Variants in CDH18 observed in about 807,000 individuals in gnomAD.
CDH18 encodes the protein cadherin-18.
CDH18 carries 31 observed loss-of-function variants against 67.9 expected under a neutral mutation model. That is an observed-to-expected ratio of 0.46 (90% CI 0.34 to 0.62). CDH18 has a LOEUF of 0.62. CDH18 is among the 20% of genes least tolerant of loss of function. The pLI, the probability that CDH18 is intolerant of heterozygous loss-of-function variation, is 0.01. For synonymous variants in CDH18, 362 were observed against 347.2 expected (o/e 1.04, Z -0.48); for missense variants, 890 against 975.5 (o/e 0.91, Z 1.17).
At chr5:19,951,712 C>A (rs1323826036) in intron 2 of CDH18, among the ~76,000 whole-genome samples, 1 of 152,120 alleles carries the variant, frequency 6.6e-6, no homozygotes, top group Non-Finnish European at 1.5e-5. Context: ...TAAGAGTACA[C>A]ATTTGCATTA....
intron 1 of CDH18, among the ~76,000 whole-genome samples, chr5:20,441,245 A>T (rs1024595862): frequency 3.9e-5 from 6 of 152,024 alleles, no homozygotes; most frequent in African/African-American, 1.5e-4. Context: ...ACAGTCATTT[A>T]TGTGGAAAAC....
intron 6 of CDH18, among the ~76,000 whole-genome samples, chr5:19,598,019 T>G (rs1337730275): frequency 6.6e-6 from 1 of 152,200 alleles, no homozygotes; most frequent in Admixed American, 6.5e-5. Flanking sequence ...ATTTTTCTAA[T>G]TTAGAAATAG....
chr5:20,003,566 C>T (rs1260206627), intron 2 of CDH18, among the ~76,000 whole-genome samples: 8 of 152,088 alleles, frequency 5.3e-5, no homozygotes, highest in Non-Finnish European at 1.5e-5. Flanking sequence ...TTCTCCTCTA[C>T]TAACAAATGA....
chr5:19,748,005 C>CGG (rs534226207), intron 3 of CDH18, among the ~76,000 whole-genome samples: 1 of 146,044 alleles, frequency 6.8e-6, no homozygotes, highest in Admixed American at 7.0e-5. Context: ...CCCAGCTACT[C>CGG]GGGGGGCTGA....
intron 8 of CDH18, among the ~76,000 whole-genome samples, chr5:19,554,213 T>A (rs889797870): frequency 1.3e-5 from 2 of 152,204 alleles, no homozygotes; most frequent in East Asian, 3.8e-4. Context: ...TGAAGCAAAA[T>A]TAAGCTAAAC....
intron 1 of CDH18, among the ~76,000 whole-genome samples, chr5:20,422,260 T>C (rs1278104109): frequency 6.6e-6 from 1 of 151,120 alleles, no homozygotes; most frequent in Non-Finnish European, 1.5e-5. Flanking sequence ...GGTTATCATG[T>C]CTAAATATTT....
At chr5:19,982,557 TA>T (rs1230697812) in intron 1 of CDH18, among the ~76,000 whole-genome samples, 1 of 152,178 alleles carries the variant, frequency 6.6e-6, no homozygotes, top group African/African-American at 2.4e-5. Flanking sequence ...ATTTTTGTGA[TA>T]TTTTTAATTA....
intron 5 of CDH18, among the ~76,000 whole-genome samples, chr5:19,669,361 C>T (rs897149466): frequency 3.3e-5 from 5 of 150,822 alleles, no homozygotes; most frequent in Admixed American, 1.3e-4. Flanking sequence ...GGGGTGATCT[C>T]GGCTCACTAC....
intron 1 of CDH18, among the ~76,000 whole-genome samples, chr5:20,422,524 G>A (rs1379647715): frequency 6.6e-6 from 1 of 150,664 alleles, no homozygotes; most frequent in African/African-American, 2.5e-5. Context: ...TTCTGTGAAT[G>A]GATTTTTATA....
chr5:19,565,543 T>C (rs1740233985), intron 8 of CDH18, among the ~76,000 whole-genome samples: 1 of 152,146 alleles, frequency 6.6e-6, no homozygotes, highest in East Asian at 1.9e-4. Context: ...ACTTAGATAA[T>C]AACACCCAAT....
intron 1 of CDH18, among the ~76,000 whole-genome samples, chr5:20,416,106 A>G (rs1747286501): frequency 6.6e-6 from 1 of 152,178 alleles, no homozygotes; most frequent in African/African-American, 2.4e-5. Flanking sequence ...GTATATTTAG[A>G]AATTGTTCAG....
At chr5:20,256,968 ATCTAT>A (rs1744290882) in intron 1 of CDH18, among the ~76,000 whole-genome samples, 9 of 91,914 alleles carry the variant, frequency 9.8e-5, no homozygotes, top group South Asian at 4.2e-4. Flanking sequence ...TATCTAATCT[ATCTAT>A]ATCTATATCT....
At chr5:20,080,068 A>G (rs1744316724) in intron 2 of CDH18, among the ~76,000 whole-genome samples, 1 of 152,186 alleles carries the variant, frequency 6.6e-6, no homozygotes, top group Admixed American at 6.5e-5. Flanking sequence ...TTTTGGGGGA[A>G]CGCAAATATT....
intron 2 of CDH18, among the ~76,000 whole-genome samples, chr5:19,871,433 T>G (rs965404969): frequency 6.6e-6 from 1 of 152,194 alleles, no homozygotes; most frequent in African/African-American, 2.4e-5. Context: ...CCCCTTTGAT[T>G]TCTTTGTCAC....
At chr5:19,761,667 C>T (rs1356000929) in intron 3 of CDH18, among the ~76,000 whole-genome samples, 1 of 152,078 alleles carries the variant, frequency 6.6e-6, no homozygotes, top group African/African-American at 2.4e-5. Flanking sequence ...TCATACTGCC[C>T]AAGGTAATTT....
chr5:20,553,298 G>T (rs138729794), intron 1 of CDH18, among the ~76,000 whole-genome samples: 34 of 152,078 alleles, frequency 2.2e-4, no homozygotes, highest in African/African-American at 7.7e-4. Flanking sequence ...TTGGTGCTAC[G>T]TAGTCTTTCT....
intron 9 of CDH18, among the ~76,000 whole-genome samples, chr5:19,530,529 C>T (rs1428941103): frequency 6.6e-6 from 1 of 152,078 alleles, no homozygotes; most frequent in Non-Finnish European, 1.5e-5. Flanking sequence ...GTGTGCTGCA[C>T]CCATTAACTC....
At chr5:20,518,698 C>A (rs753943428) in intron 1 of CDH18, among the ~76,000 whole-genome samples, 14 of 152,120 alleles carry the variant, frequency 9.2e-5, no homozygotes, top group Non-Finnish European at 1.8e-4. Flanking sequence ...GTGAACCATG[C>A]CACTCATGTA....
chr5:20,475,477 G>A (rs1752374078), intron 1 of CDH18, among the ~76,000 whole-genome samples: 1 of 152,102 alleles, frequency 6.6e-6, no homozygotes, highest in Admixed American at 6.5e-5. Flanking sequence ...ATTTGTATAA[G>A]ATCATGAATA....
Sources: gnomAD v4.1 joint callset for allele counts (sites outside exome capture counted in the v4.1 genomes callset) on GRCh38, gnomAD v4.1.1 for gene constraint, MANE v1.5 for transcripts, NCBI Gene and HGNC (gene_info 2026-07-23, HGNC 2026-07-21) for gene names.